Variants in MYH11 observed in about 807,000 individuals in gnomAD.
MYH11 encodes the protein myosin-11.
In MYH11, 80 loss-of-function variants were observed where a neutral mutation model predicts 246.6. The ratio of observed to expected loss-of-function variants is 0.32; its 90% CI spans 0.27 to 0.39. The LOEUF is 0.39. MYH11 is among the 10% of genes least tolerant of loss of function. The pLI, the probability that MYH11 is intolerant of heterozygous loss-of-function variation, is 1.00. For missense variants in MYH11, 2,158 were observed against 2,546.8 expected, an observed-to-expected ratio of 0.85 and a Z score of 3.29; for synonymous variants, 1,071 against 1,015.5, an observed-to-expected ratio of 1.05 and a Z score of -1.04.
intron 40 of MYH11, among the ~76,000 whole-genome samples, chr16:15,705,441 CAGA>C (rs772860184): frequency 8.5e-5 from 13 of 152,292 alleles, no homozygotes; most frequent in South Asian, 4.1e-4. Flanking sequence ...AGAGAGTGGG[CAGA>C]AGAAGGAAAA....
chr16:15,852,193 A>G (rs536328813), intron 1 of MYH11, among the ~76,000 whole-genome samples: 3 of 152,134 alleles, frequency 2.0e-5, no homozygotes, highest in African/African-American at 7.2e-5. Context: ...ATGCCTGATG[A>G]TGAGGTGGGA....
intron 3 of MYH11, among the ~76,000 whole-genome samples, chr16:15,817,141 T>C (rs757139619): frequency 2.6e-5 from 4 of 152,308 alleles, no homozygotes; most frequent in Non-Finnish European, 5.9e-5. Context: ...AAGGGTCTAA[T>C]GCACAAGGGT....
At position 15,732,764 on chromosome 16, in the gene MYH11, G is replaced by T; in HGVS notation, c.3507-56C>A. On this transcript the variant is annotated intron_variant, in intron 26 of 40. Transcript: ENST00000300036. ...TGGGTGGAGACAGAGGGTCATCTCA[G>T]TGCCGTGCAAAAGAATGAGAGCTCT... is the stretch of plus-strand genomic sequence containing the variant. The T allele has an allele frequency of 2.5e-6, 4 of 1,606,432 alleles. No homozygotes were observed. The East Asian group carries it at 6.7e-5, about 27-fold the overall frequency.
Position 15,719,618 on chromosome 16 carries a change from C to T in MYH11, c.5049G>A (p.Lys1683=). 6.2e-7 allele frequency: 1 copy of T among 1,614,192 alleles called. No homozygotes were observed. The highest frequency in any genetic ancestry group is 1.7e-4 in the Middle Eastern group (1 of 6,056). ...ATAKENEKKA[K]SLEADLMQLQ... ...GCTGCATGAGGTCTGCTTCCAAGCT[C>T]TTGGCTTTCTTCTCATTCTCTTTGG... Residue 1683 remains lysine (K), a synonymous_variant, in exon 35 of 41, where the codon AAG becomes AAA. Coordinates refer to ENST00000300036, the MANE Select transcript of MYH11 (RefSeq NM_002474.3).
chr16:15,765,791 CAG>C (rs1267551390), intron 9 of MYH11, among the ~76,000 whole-genome samples: 1 of 152,192 alleles, frequency 6.6e-6, no homozygotes, highest in Non-Finnish European at 1.5e-5. Flanking sequence ...CTGCTGTTGA[CAG>C]GGCTTGGAAA....
chr16:15,727,993 C>G (rs1004187074), intron 27 of MYH11, among the ~76,000 whole-genome samples: 1 of 151,898 alleles, frequency 6.6e-6, no homozygotes, highest in African/African-American at 2.4e-5. Context: ...CTTTGGGAGG[C>G]CAAGGCAGGT....
chr16:15,784,576 C>T, intron 5 of MYH11: 1 of 1,044,868 alleles, frequency 9.6e-7, no homozygotes, highest in Non-Finnish European at 1.4e-6. Flanking sequence ...AGTTGTGAAA[C>T]TCTAGGGCCT....
At position 15,765,386 on chromosome 16, in the gene MYH11, GGATA is replaced by G. The variant is rs10595186; in HGVS notation, c.1034-1499_1034-1496del. Among the ~76,000 whole-genome samples the G allele has an allele frequency of 7.3e-3, 1,110 of 152,028 alleles. 13 individuals carry two copies. The highest frequency in any genetic ancestry group is 0.021 in the African/African-American group (854 of 41,490). ...GACAGAGGATTGATGGATAGACGAT[GGATA>G]GATGGATGGAGAATTGATGGAGGAA... On this transcript the variant is annotated intron_variant, in intron 9 of 40. Transcript: ENST00000300036.
chr16:15,704,793 C>G (rs1238148961), intron 40 of MYH11, among the ~76,000 whole-genome samples: 1 of 152,208 alleles, frequency 6.6e-6, no homozygotes, highest in African/African-American at 2.4e-5. Flanking sequence ...TGGCGTAAAA[C>G]AGGTGCCCAG....
intron 16 of MYH11, chr16:15,749,712 G>A: frequency 3.9e-6 from 1 of 257,090 alleles, no homozygotes; most frequent in South Asian, 5.7e-5. Context: ...CTGACTAACA[G>A]CCCCCTCCTG....
intron 2 of MYH11, among the ~76,000 whole-genome samples, chr16:15,836,202 C>T (rs1357352717): frequency 4.6e-5 from 7 of 151,982 alleles, no homozygotes; most frequent in Non-Finnish European, 7.4e-5. Flanking sequence ...ATCAGTCTGG[C>T]GACCCGTGCC....
chr16:15,777,480 C>G (rs58265984), intron 7 of MYH11, among the ~76,000 whole-genome samples: 2 of 152,122 alleles, frequency 1.3e-5, no homozygotes, highest in Non-Finnish European at 2.9e-5. Context: ...TGGAAACATA[C>G]TTTGAGAACC....
At chr16:15,711,670 C>T (rs1366718310) in intron 40 of MYH11, among the ~76,000 whole-genome samples, 1 of 152,118 alleles carries the variant, frequency 6.6e-6, no homozygotes. Flanking sequence ...TAAAGGTTCA[C>T]TCTGCCTGGT....
rs16967500 is a variant in MYH11, at chr16:15,725,550, A to G, written c.3859-558T>C. 18,397 of 411,324 alleles carry G rather than the reference A, an allele frequency of 0.045. 1,306 individuals carry two copies. Among genetic ancestry groups the G allele is most frequent in the African/African-American group, 0.22 (10,721 of 48,762 alleles). The allele number at this position is 411,324 out of a possible 1,614,324, so 25.5% of individuals were successfully genotyped here. On this transcript the variant is annotated intron_variant, in intron 28 of 40. Transcript: ENST00000300036. ...GGCTTTTACTCCCTAGTGTCTCTGC[A>G]TAAGTCCCTTTGAGGCTGTTAGCCT...
At chr16:15,795,493 C>A (rs1461888578) in intron 4 of MYH11, among the ~76,000 whole-genome samples, 1 of 150,760 alleles carries the variant, frequency 6.6e-6, no homozygotes, top group East Asian at 2.0e-4. Context: ...TGCCTGTTAT[C>A]CCAGCTACTC....
intron 3 of MYH11, among the ~76,000 whole-genome samples, chr16:15,813,369 A>T (rs2043184781): frequency 6.6e-6 from 1 of 152,012 alleles, no homozygotes; most frequent in South Asian, 2.1e-4. Context: ...AAAAACAAAA[A>T]CAATTTTGTC....
rs148731225 is a variant in MYH11, at chr16:15,735,475, C to T, written c.3397G>A (p.Ala1133Thr). The T allele has an allele frequency of 3.7e-5, 59 of 1,614,014 alleles. No individual in the cohort carries two copies. The highest frequency in any genetic ancestry group is 6.7e-5 in the Admixed American group (4 of 59,988). The part of the protein sequence containing the change: ...LQEDLDSERA[A>T]RNKAEKQKRD... ...TTCTGCTTTTCAGCCTTGTTCCTGG[C>T]GGCCCGCTCTGAGTCCAGGTCCTCC... Residue 1133 changes from alanine (A) to threonine (T), a missense_variant, in exon 26 of 41, where the codon GCC (alanine) becomes ACC (threonine). Physicochemically the swap from Ala to Thr is moderately conservative, Grantham distance 58 (BLOSUM62 0). Coordinates refer to ENST00000300036, the MANE Select transcript of MYH11 (RefSeq NM_002474.3).
At chr16:15,713,617 T>G (rs1214691457) in intron 40 of MYH11, 1 of 152,280 alleles carries the variant, frequency 6.6e-6, no homozygotes, top group African/African-American at 2.4e-5. Context: ...CACCTCAGCC[T>G]CCTGAGTAGC....
chr16:15,725,379 A>G (rs1040962749), intron 28 of MYH11: 15 of 539,456 alleles, frequency 2.8e-5, no homozygotes, highest in Non-Finnish European at 4.9e-5. Flanking sequence ...CCACTCTCTA[A>G]GGCTGGAGAA....
Sources: gnomAD v4.1 joint callset for allele counts (sites outside exome capture counted in the v4.1 genomes callset) on GRCh38, gnomAD v4.1.1 for gene constraint, MANE v1.5 for transcripts, NCBI Gene and HGNC (gene_info 2026-07-23, HGNC 2026-07-21) for gene names.